Variants in SEZ6L observed in about 807,000 individuals in gnomAD.
SEZ6L encodes seizure related 6 homolog like.
Under a neutral mutation model 106.2 loss-of-function variants are expected in SEZ6L, and 37 were observed. The ratio of observed to expected loss-of-function variants is 0.35; its 90% CI spans 0.27 to 0.46. The LOEUF is 0.46. Ranked by LOEUF, SEZ6L falls within the 20% of genes least tolerant of loss-of-function variation. The pLI, the probability that SEZ6L is intolerant of heterozygous loss-of-function variation, is 1.00. For missense variants in SEZ6L, 1,172 were observed against 1,332.8 expected, an observed-to-expected ratio of 0.88 and a Z score of 1.88; for synonymous variants, 541 against 570.4, an observed-to-expected ratio of 0.95 and a Z score of 0.73.
chr22:26,351,509 G>GT (rs1233116514), intron 12 of SEZ6L: 7 of 344,742 alleles, frequency 2.0e-5, no homozygotes, highest in African/African-American at 8.0e-5. Context: ...AGTATACTTT[G>GT]TTTTTTTGTT....
intron 10 of SEZ6L, among the ~76,000 whole-genome samples, 184 bp downstream of exon 10, chr22:26,340,816 G>T (rs112343331): frequency 0.046 from 7,003 of 152,232 alleles, 509 homozygotes; most frequent in African/African-American, 0.16. Context: ...TTGAGCCCTA[G>T]CACGGTCATC....
chr22:26,353,777 C>T (rs1033578800), intron 12 of SEZ6L, among the ~76,000 whole-genome samples: 26 of 148,444 alleles, frequency 1.8e-4, no homozygotes, highest in Admixed American at 5.4e-4. Context: ...TTGGACCTAG[C>T]GTCTTTGACA....
At chr22:26,188,940 C>T (rs1316170362) in intron 1 of SEZ6L, among the ~76,000 whole-genome samples, 1 of 152,210 alleles carries the variant, frequency 6.6e-6, no homozygotes, top group East Asian at 1.9e-4. Flanking sequence ...TTCTACTGCT[C>T]TAGCATTAAT....
chr22:26,280,055 A>G (rs2080711341), intron 1 of SEZ6L, among the ~76,000 whole-genome samples: 1 of 152,336 alleles, frequency 6.6e-6, no homozygotes, highest in East Asian at 1.9e-4. Flanking sequence ...CTTTGAGCCC[A>G]AACCTCATTT....
chr22:26,290,923 C>T (rs746081124), intron 1 of SEZ6L, among the ~76,000 whole-genome samples: 54 of 152,236 alleles, frequency 3.5e-4, no homozygotes, highest in Non-Finnish European at 7.5e-4. Flanking sequence ...CACAAGGTCA[C>T]TCTTACATTC....
intron 8 of SEZ6L, among the ~76,000 whole-genome samples, chr22:26,313,501 C>T (rs1285389313): frequency 6.6e-6 from 1 of 151,850 alleles, no homozygotes; most frequent in African/African-American, 2.4e-5. Flanking sequence ...AGAGCAATAG[C>T]ACCTCTTAGC....
intron 1 of SEZ6L, among the ~76,000 whole-genome samples, chr22:26,280,500 C>T (rs2080727144): frequency 6.6e-6 from 1 of 152,184 alleles, no homozygotes; most frequent in African/African-American, 2.4e-5. Context: ...ATACTCTGCA[C>T]ATCATTCTGC....
chr22:26,302,925 C>T (rs1470573287), intron 5 of SEZ6L, among the ~76,000 whole-genome samples: 1 of 152,218 alleles, frequency 6.6e-6, no homozygotes, highest in East Asian at 1.9e-4. Context: ...CTCCATTTCT[C>T]AGCTCCTGAG....
rs149393235 is a variant in SEZ6L, at chr22:26,186,829, G to A, written c.94+17066G>A. On this transcript the variant is annotated intron_variant, in intron 1 of 16. Transcript: ENST00000248933. ...GGCCAGGCCCAGATCCTATAGGGCA[G>A]GGAGGACTTGCTGAGAGGTGTTGGG... Among the ~76,000 whole-genome samples, 62 of 152,314 alleles carry A rather than the reference G, an allele frequency of 4.1e-4. No homozygotes were observed. In the East Asian group the frequency reaches 0.011, roughly 27 times the overall value.
chr22:26,352,933 T>C lies in SEZ6L; in HGVS notation c.2599+1690T>C, dbSNP rs552811752. 2.3e-4 allele frequency among the ~76,000 whole-genome samples: 35 copies of C among 152,360 alleles called. No homozygotes were observed. The South Asian group carries it at 6.8e-3, about 30-fold the overall frequency. ...GCTTCCCCAGCCCACAGAAGGGCTT[T>C]ACTCTACAGATCCCAAAAGAATGAA... On this transcript the variant is annotated intron_variant, in intron 12 of 16. Transcript: ENST00000248933.
chr22:26,362,264 T>C (rs1222679737), intron 12 of SEZ6L, among the ~76,000 whole-genome samples: 1 of 152,250 alleles, frequency 6.6e-6, no homozygotes, highest in Non-Finnish European at 1.5e-5. Context: ...ATATCCATCC[T>C]GCTCTGGAAT....
At chr22:26,176,381 G>A (rs550187390) in intron 1 of SEZ6L, among the ~76,000 whole-genome samples, 17 of 152,362 alleles carry the variant, frequency 1.1e-4, no homozygotes, top group African/African-American at 3.4e-4. Flanking sequence ...GACTCCAAGA[G>A]GAGAGATGCT....
chr22:26,246,976 C>A (rs1002001930), intron 1 of SEZ6L, among the ~76,000 whole-genome samples: 1 of 152,108 alleles, frequency 6.6e-6, no homozygotes, highest in Non-Finnish European at 1.5e-5. Flanking sequence ...GTGCTGAGTG[C>A]GAACGTGCTT....
chr22:26,276,269 C>T (rs1485878906), intron 1 of SEZ6L, among the ~76,000 whole-genome samples: 1 of 152,184 alleles, frequency 6.6e-6, no homozygotes, highest in African/African-American at 2.4e-5. Flanking sequence ...GATCACTGTC[C>T]AAACTTTACA....
intron 6 of SEZ6L, 27 bp downstream of exon 6, chr22:26,306,171 C>A (rs779256314): frequency 1.7e-5 from 28 of 1,606,732 alleles, no homozygotes; most frequent in Non-Finnish European, 2.3e-5. Context: ...CCACACCCAA[C>A]CCCGTTTCTT....
At chr22:26,255,756 C>CAA (rs2079794527) in intron 1 of SEZ6L, among the ~76,000 whole-genome samples, 1 of 152,250 alleles carries the variant, frequency 6.6e-6, no homozygotes, top group African/African-American at 2.4e-5. Flanking sequence ...AGTTGTCTAT[C>CAA]TGACCTCGCA....
intron 1 of SEZ6L, 131 bp downstream of exon 1, chr22:26,169,894 A>C: frequency 1.7e-4 from 66 of 392,122 alleles, no homozygotes; most frequent in East Asian, 1.9e-4. Context: ...GCTGTCCAAA[A>C]TCGGGGCTAG....
chr22:26,326,687 C>A (rs2082314535), intron 9 of SEZ6L, among the ~76,000 whole-genome samples: 1 of 152,220 alleles, frequency 6.6e-6, no homozygotes, highest in South Asian at 2.1e-4. Context: ...CGACTTCATC[C>A]TGAAGGCAGC....
At chr22:26,219,071 G>A (rs966818978) in intron 1 of SEZ6L, among the ~76,000 whole-genome samples, 2 of 152,216 alleles carry the variant, frequency 1.3e-5, no homozygotes, top group Admixed American at 1.3e-4. Flanking sequence ...GCCATAGCCA[G>A]AAAGTTCTGG....
Sources: allele counts gnomAD v4.1 joint callset (sites outside exome capture counted in the v4.1 genomes callset), GRCh38; gene constraint gnomAD v4.1.1; transcripts MANE v1.5; gene names NCBI Gene and HGNC (gene_info 2026-07-23, HGNC 2026-07-21).